The following RCAN2 variants were observed in gnomAD, a reference collection of about 807,000 sequenced individuals.
The protein encoded by RCAN2 is calcipressin-2.
A neutral mutation model predicts 23.6 loss-of-function variants in RCAN2; 9 were observed. The ratio of observed to expected loss-of-function variants is 0.38; its 90% CI spans 0.23 to 0.67. The LOEUF is 0.67. Ranked by LOEUF, RCAN2 falls within the 30% of genes least tolerant of loss-of-function variation. The probability of loss-of-function intolerance (pLI) is 0.51; values close to 1 mark genes in which losing one functional copy is unlikely to be tolerated. For synonymous variants in RCAN2, 109 were observed against 115.7 expected, an observed-to-expected ratio of 0.94 and a Z score of 0.37; for missense variants, 273 against 302.3, an observed-to-expected ratio of 0.90 and a Z score of 0.72.
At chr6:46,234,741 G>T (rs976185891) in intron 4 of RCAN2, among the ~76,000 whole-genome samples, 1 of 152,228 alleles carries the variant, frequency 6.6e-6, no homozygotes, top group African/African-American at 2.4e-5. Context: ...CATGGTTAAC[G>T]TTAAATTCTC....
chr6:46,289,123 C>T (rs577663809), intron 2 of RCAN2, among the ~76,000 whole-genome samples: 1 of 152,304 alleles, frequency 6.6e-6, no homozygotes, highest in South Asian at 2.1e-4. Context: ...GCTAGTTTAA[C>T]AGGGAGCACA....
intron 2 of RCAN2, among the ~76,000 whole-genome samples, chr6:46,283,027 C>G (rs561747865): frequency 6.6e-6 from 1 of 152,114 alleles, no homozygotes; most frequent in Admixed American, 6.5e-5. Context: ...ACTGCCTGAC[C>G]GGGGGCTGGC....
In RCAN2 at chr6:46,412,859, C is replaced by A. The variant is rs146966385; in HGVS notation, c.225+43893G>T. On this transcript the variant is annotated intron_variant, in intron 2 of 4. Transcript: ENST00000371374. Reference sequence around the variant, plus strand: ...TTGCTAGGAACAGAGAGAATGATAGCTTTTGCCAGAGGAGGAAGCCAGAGG... The same window carrying A: ...TTGCTAGGAACAGAGAGAATGATAGATTTTGCCAGAGGAGGAAGCCAGAGG... 5.9e-3 allele frequency among the ~76,000 whole-genome samples: 899 copies of A among 152,168 alleles called. 9 individuals are homozygous for A. Among genetic ancestry groups the A allele is most frequent in the African/African-American group, 0.021 (872 of 41,520 alleles).
intron 2 of RCAN2, among the ~76,000 whole-genome samples, chr6:46,341,276 C>T (rs777096659): frequency 6.6e-6 from 1 of 152,140 alleles, no homozygotes; most frequent in Non-Finnish European, 1.5e-5. Flanking sequence ...TTTCTAAGCA[C>T]TTGAAGGTCA....
At chr6:46,334,510 G>A (rs1764081748) in intron 2 of RCAN2, among the ~76,000 whole-genome samples, 1 of 152,192 alleles carries the variant, frequency 6.6e-6, no homozygotes, top group African/African-American at 2.4e-5. Context: ...AACCTGAGAA[G>A]GGAGGCTGAG....
At chr6:46,261,904 G>A (rs1251646963) in intron 2 of RCAN2, among the ~76,000 whole-genome samples, 1 of 152,082 alleles carries the variant, frequency 6.6e-6, no homozygotes, top group Admixed American at 6.6e-5. Flanking sequence ...TTCCCTTTGG[G>A]GATCCTGCAC....
chr6:46,382,208 A>T (rs1423207593), intron 2 of RCAN2, among the ~76,000 whole-genome samples: 1 of 152,220 alleles, frequency 6.6e-6, no homozygotes, highest in East Asian at 1.9e-4. Context: ...TATGATTTGC[A>T]CACCTATACA....
chr6:46,427,821 C>G (rs1402865083), intron 2 of RCAN2, among the ~76,000 whole-genome samples: 2 of 152,250 alleles, frequency 1.3e-5, no homozygotes, highest in Non-Finnish European at 2.9e-5. Flanking sequence ...CAGACATTGT[C>G]TGTTGATTCC....
chr6:46,423,072 A>G (rs1451383664), intron 2 of RCAN2, among the ~76,000 whole-genome samples: 1 of 152,122 alleles, frequency 6.6e-6, no homozygotes, highest in Non-Finnish European at 1.5e-5. Context: ...CAGGTGTTTC[A>G]TTTGGGGTAT....
intron 4 of RCAN2, among the ~76,000 whole-genome samples, chr6:46,229,212 T>C (rs1325258508): frequency 2.0e-5 from 3 of 152,210 alleles, no homozygotes; most frequent in African/African-American, 7.2e-5. Context: ...ATTTTTTCCT[T>C]CATTTCAACT....
At chr6:46,285,685 T>A (rs921474485) in intron 2 of RCAN2, among the ~76,000 whole-genome samples, 33 of 152,354 alleles carry the variant, frequency 2.2e-4, no homozygotes, top group African/African-American at 7.2e-4. Context: ...ATCATTTTAT[T>A]TTTCTACCAG....
intron 2 of RCAN2, among the ~76,000 whole-genome samples, chr6:46,389,124 ATTAT>A: frequency 6.6e-6 from 1 of 152,252 alleles, no homozygotes; most frequent in East Asian, 1.9e-4. Flanking sequence ...TACTATCCTA[ATTAT>A]TTAAAAGAAA....
intron 1 of RCAN2, among the ~76,000 whole-genome samples, chr6:46,461,623 T>C (rs573385186): frequency 1.3e-3 from 193 of 151,868 alleles, no homozygotes; most frequent in Non-Finnish European, 2.1e-3. Context: ...TTCGCTCTTA[T>C]TGCCCAGGTC....
chr6:46,255,748 G>A lies in RCAN2; in HGVS notation c.226-6852C>T, dbSNP rs1766889950. On this transcript the variant is annotated intron_variant, in intron 2 of 4. Coordinates refer to ENST00000371374, the MANE Select transcript of RCAN2 (RefSeq NM_001251974.2). ...TGAGAAACAGGAGGAGTGACCTGGA[G>A]AGCCGCAGGGTATGGCAGCATAGAC... Among the ~76,000 whole-genome samples, 6 of 152,126 alleles carry A rather than the reference G, an allele frequency of 3.9e-5. No homozygotes were observed. In the South Asian group the frequency reaches 1.0e-3, roughly 26 times the overall value.
At chr6:46,347,096 C>T (rs1764509324) in intron 2 of RCAN2, among the ~76,000 whole-genome samples, 1 of 152,148 alleles carries the variant, frequency 6.6e-6, no homozygotes, top group Non-Finnish European at 1.5e-5. Flanking sequence ...AGGATAGTCT[C>T]AATCACCTGA....
chr6:46,472,029 G>A (rs1165786801), intron 1 of RCAN2, among the ~76,000 whole-genome samples: 1 of 152,154 alleles, frequency 6.6e-6, no homozygotes, highest in Non-Finnish European at 1.5e-5. Context: ...AAGGAAGTGG[G>A]TGGAGAACAG....
rs1423506993 is a variant in RCAN2 at position 46,220,886 on chromosome 6, GA to G, written c.*2254del. On this transcript the variant is annotated 3_prime_UTR_variant, in exon 5 of 5. Transcript: ENST00000371374. ...AGAGATTTGCATAATGTGCGTCATGGAAATGCTGAGGCGATTCTGACTTTCA... is the reference window on the plus strand; with the variant it reads ...AGAGATTTGCATAATGTGCGTCATGGAATGCTGAGGCGATTCTGACTTTCA... 6.5e-6 allele frequency: 1 copy of G among 152,678 alleles called. No individual in the cohort carries two copies. The highest frequency in any genetic ancestry group is 1.5e-5 in the Non-Finnish European group (1 of 68,038). 9.5% of individuals were successfully genotyped at this position (152,678 alleles called of 1,614,324 possible).
rs1765452221 is a variant in RCAN2, at chr6:46,220,813, T to C, written c.*2328A>G. 1 of 152,658 alleles carries C rather than the reference T, an allele frequency of 6.6e-6. No individual in the cohort carries two copies. The highest frequency in any genetic ancestry group is 1.5e-5 in the Non-Finnish European group (1 of 68,038). 9.5% of individuals were successfully genotyped at this position (152,658 alleles called of 1,614,324 possible). The stretch of plus-strand genomic sequence containing the variant: ...CAAATGATTCAGTTGGTGGAAATCT[T>C]CCCCTTCCCCTTCATTGTTAAAGTT... On this transcript the variant is annotated 3_prime_UTR_variant, in exon 5 of 5. Transcript: ENST00000371374.
chr6:46,365,558 C>T (rs145234408), intron 2 of RCAN2, among the ~76,000 whole-genome samples: 2,974 of 152,060 alleles, frequency 0.02, 58 homozygotes, highest in South Asian at 0.12. Context: ...CAAAACCAGT[C>T]CCTGGTGCCA....
Sources: allele counts gnomAD v4.1 joint callset (sites outside exome capture counted in the v4.1 genomes callset), GRCh38; gene constraint gnomAD v4.1.1; transcripts MANE v1.5; gene names NCBI Gene and HGNC (gene_info 2026-07-23, HGNC 2026-07-21).